The following NCKAP5 variants were observed in gnomAD, a reference collection of about 807,000 sequenced individuals.
The protein encoded by NCKAP5 is nck-associated protein 5.
A neutral mutation model predicts 167.0 loss-of-function variants in NCKAP5; 92 were observed. The ratio of observed to expected loss-of-function variants is 0.55; its 90% CI spans 0.47 to 0.66. The LOEUF is 0.66. NCKAP5 is among the 30% of genes least tolerant of loss of function. The probability of loss-of-function intolerance (pLI) is 0.00; values close to 1 mark genes in which losing one functional copy is unlikely to be tolerated. For missense variants in NCKAP5, 2,378 were observed against 2,315.0 expected (o/e 1.03, Z -0.56); for synonymous variants, 891 against 877.4 (o/e 1.02, Z -0.27).
chr2:132,827,020 A>G (rs1687172996), intron 11 of NCKAP5, among the ~76,000 whole-genome samples: 1 of 152,126 alleles, frequency 6.6e-6, no homozygotes, highest in Non-Finnish European at 1.5e-5. Context: ...GATACGTGAA[A>G]AGGGAAGAAA....
At chr2:133,665,322 T>G in the NCKAP5 span, among the ~76,000 whole-genome samples, 1 of 152,222 alleles carries the variant, frequency 6.6e-6, no homozygotes, top group Non-Finnish European at 1.5e-5. Flanking sequence ...GCATAATTCT[T>G]CCTTTCACTT....
intron 2 of NCKAP5, among the ~76,000 whole-genome samples, chr2:133,538,946 T>A: frequency 7.3e-6 from 1 of 137,518 alleles, no homozygotes; most frequent in East Asian, 2.1e-4. Flanking sequence ...TTTTTTTTTT[T>A]TTTTTTTTTT....
At chr2:133,603,022 CT>C in the NCKAP5 span, among the ~76,000 whole-genome samples, 1 of 152,222 alleles carries the variant, frequency 6.6e-6, no homozygotes, top group East Asian at 1.9e-4. Flanking sequence ...CACTTACCCC[CT>C]CACATACACA....
intron 5 of NCKAP5, among the ~76,000 whole-genome samples, chr2:133,183,360 C>T (rs568059195): frequency 6.6e-6 from 1 of 152,000 alleles, no homozygotes; most frequent in African/African-American, 2.4e-5. Context: ...AACTCATTAC[C>T]AGCACACTAA....
chr2:132,788,787 A>C (rs904144269), intron 13 of NCKAP5, among the ~76,000 whole-genome samples: 5 of 152,214 alleles, frequency 3.3e-5, no homozygotes, highest in African/African-American at 4.8e-5. Context: ...TATATAATTA[A>C]TATTCAAATT....
chr2:132,713,259 C>T (rs1223964940), intron 19 of NCKAP5, among the ~76,000 whole-genome samples: 3 of 152,136 alleles, frequency 2.0e-5, no homozygotes, highest in African/African-American at 7.2e-5. Context: ...AAAATGATAT[C>T]TGAGAAAAAC....
At position 132,785,266 on chromosome 2, in the gene NCKAP5, C is replaced by T. The variant is rs746646762; in HGVS notation, c.1545G>A (p.Glu515=). 2.5e-6 allele frequency: 4 copies of T among 1,581,440 alleles called. No individual in the cohort carries two copies. The highest frequency in any genetic ancestry group is 1.4e-5 in the African/African-American group (1 of 73,772). The stretch of plus-strand genomic sequence containing the variant: ...CTTCCAGAAAGTGTTTTCTGTTTGT[C>T]TCCCAGCCAAACAGACTGTCGGAAA... ...HSVSDSLFGW[E]TNRKHFLEGT... is the part of the protein sequence containing the mutation. Residue 515 remains glutamate (E), a synonymous_variant, in exon 14 of 20, where the codon GAG becomes GAA. Coordinates refer to ENST00000409261, the MANE Select transcript of NCKAP5 (RefSeq NM_207363.3).
intron 3 of NCKAP5, among the ~76,000 whole-genome samples, chr2:133,376,248 T>A (rs985309821): frequency 2.0e-5 from 3 of 152,196 alleles, no homozygotes; most frequent in Non-Finnish European, 4.4e-5. Flanking sequence ...ATGAAGACCA[T>A]GTTATCAGAA....
intron 3 of NCKAP5, among the ~76,000 whole-genome samples, chr2:133,412,852 C>A (rs1469327978): frequency 6.6e-6 from 1 of 152,170 alleles, no homozygotes; most frequent in Non-Finnish European, 1.5e-5. Flanking sequence ...CTCACTTTAT[C>A]TAAAGAAACA....
At chr2:133,552,767 A>T (rs950782010) in intron 2 of NCKAP5, among the ~76,000 whole-genome samples, 4 of 152,080 alleles carry the variant, frequency 2.6e-5, no homozygotes, top group Non-Finnish European at 4.4e-5. Context: ...AAAAAGAAAA[A>T]AAAAAGATTG....
At chr2:133,078,050 T>C (rs1300272792) in intron 6 of NCKAP5, among the ~76,000 whole-genome samples, 1 of 152,176 alleles carries the variant, frequency 6.6e-6, no homozygotes, top group Admixed American at 6.5e-5. Context: ...CAACTAGCTA[T>C]GGGACTTTAG....
intron 3 of NCKAP5, among the ~76,000 whole-genome samples, chr2:133,306,880 A>G (rs113719481): frequency 2.6e-5 from 4 of 152,170 alleles, no homozygotes; most frequent in African/African-American, 4.8e-5. Flanking sequence ...CTCTTCTCCT[A>G]TTTCTACAGT....
In NCKAP5 at chr2:133,408,244, G is replaced by A. The variant is rs1165050603; in HGVS notation, c.70-105134C>T. On this transcript the variant is annotated intron_variant, in intron 3 of 19. Transcript: ENST00000409261. ...TTGAGCTCTCCTCTGTCCTCAAGGC[G>A]TGTGGCACAGCTTGTGCTAAAATGG... Among the ~76,000 whole-genome samples, 19 of 152,304 alleles carry A rather than the reference G, an allele frequency of 1.2e-4. 1 individual carries two copies. Among genetic ancestry groups the A allele is most frequent in the Admixed American group, 9.2e-4 (14 of 15,296 alleles).
intron 19 of NCKAP5, among the ~76,000 whole-genome samples, chr2:132,723,176 T>C (rs1345813024): frequency 7.0e-6 from 1 of 143,062 alleles, no homozygotes; most frequent in Non-Finnish European, 1.5e-5. Context: ...GACAGAGTCT[T>C]GCTCTGTCGT....
chr2:132,680,986 A>G (rs907763389), intron 19 of NCKAP5, among the ~76,000 whole-genome samples: 4 of 152,118 alleles, frequency 2.6e-5, no homozygotes, highest in African/African-American at 9.7e-5. Flanking sequence ...TTCCGATTTG[A>G]TGAGTTGTGG....
chr2:132,802,069 C>T (rs1198809347), intron 11 of NCKAP5, among the ~76,000 whole-genome samples: 1 of 152,216 alleles, frequency 6.6e-6, no homozygotes, highest in South Asian at 2.1e-4. Flanking sequence ...TGAGCCACTG[C>T]ACCCAGCCCC....
intron 4 of NCKAP5, among the ~76,000 whole-genome samples, chr2:133,290,351 T>C (rs1679489664): frequency 6.6e-6 from 1 of 152,206 alleles, no homozygotes; most frequent in Admixed American, 6.5e-5. Flanking sequence ...GAGATATCCT[T>C]TCATTGCTTC....
chr2:133,600,449 T>C, the NCKAP5 span, among the ~76,000 whole-genome samples: 1 of 152,172 alleles, frequency 6.6e-6, no homozygotes, highest in African/African-American at 2.4e-5. Context: ...AAAACCCTTT[T>C]TGTTCCAAGG....
intron 2 of NCKAP5, among the ~76,000 whole-genome samples, chr2:133,557,248 T>C (rs931477379): frequency 6.6e-6 from 1 of 152,216 alleles, no homozygotes; most frequent in East Asian, 1.9e-4. Context: ...TTTGCACGCT[T>C]GGCACCTGGA....
Sources: allele counts gnomAD v4.1 joint callset (sites outside exome capture counted in the v4.1 genomes callset), GRCh38; gene constraint gnomAD v4.1.1; transcripts MANE v1.5; gene names NCBI Gene and HGNC (gene_info 2026-07-23, HGNC 2026-07-21).